Variants in CCNL2 observed in about 807,000 individuals in gnomAD.
CCNL2 encodes the protein cyclin-L2.
CCNL2 carries 28 observed loss-of-function variants against 59.1 expected under a neutral mutation model. The observed-to-expected ratio is 0.47, with a 90% CI of 0.35 to 0.65. The LOEUF (loss-of-function observed/expected upper bound fraction) is 0.65, where lower values mean the gene tolerates loss of function less well. Among genes scored for constraint, CCNL2 ranks in the 30% least tolerant of loss-of-function variants. The probability of loss-of-function intolerance (pLI) is 0.00; values close to 1 mark genes in which losing one functional copy is unlikely to be tolerated. For missense variants in CCNL2, 714 were observed against 717.4 expected, an observed-to-expected ratio of 1.00 and a Z score of 0.05; for synonymous variants, 342 against 288.6, an observed-to-expected ratio of 1.19 and a Z score of -1.88.
rs1645225213 is a variant in CCNL2, at chr1:1,399,098, T to C, written c.209A>G (p.Asp70Gly). 4 of 1,611,520 alleles carry C rather than the reference T, an allele frequency of 2.5e-6. No individual in the cohort carries two copies. Among genetic ancestry groups the C allele is most frequent in the Non-Finnish European group, 3.4e-6 (4 of 1,179,396 alleles). The part of the protein sequence containing the change: ...RFTPSMSSGL[D>G]TDTETDLRVV... ...GCGGAGGTCGGTCTCTGTGTCGGTG[T>C]CGAGGCCGCTCGACATGGACGGCGT... The change falls in exon 1 of 11, where the codon GAC becomes GGC. Residue 70 changes from aspartate to glycine, a missense_variant. Asp to Gly is a moderately conservative substitution (Grantham distance 94). Coordinates refer to ENST00000400809, the MANE Select transcript of CCNL2 (RefSeq NM_030937.6).
At position 1,389,144 on chromosome 1, in the gene CCNL2, G is replaced by A. The variant is rs560172675; in HGVS notation, c.1007-1079C>T. The A allele has an allele frequency of 2.4e-4, 38 of 155,912 alleles. No homozygotes were observed. The East Asian group carries it at 3.6e-3, about 15-fold the overall frequency. The allele number at this position is 155,912 out of a possible 1,614,324, so 9.7% of individuals were successfully genotyped here. On this transcript the variant is annotated intron_variant, in intron 8 of 10. Transcript: ENST00000400809. ...TCCCAGCACTTTGGGAGGCCGAGGC[G>A]GGTGGATCACGAAGCCAGATTGAGA... is the stretch of plus-strand genomic sequence containing the variant.
intron 5 of CCNL2, chr1:1,392,209 TA>T: frequency 1.8e-6 from 1 of 567,838 alleles, no homozygotes; most frequent in Non-Finnish European, 2.2e-6. Context: ...TTTCGGTGTC[TA>T]ATCAACAACT....
At chr1:1,393,623 G>C (rs1299280103) in intron 4 of CCNL2, among the ~76,000 whole-genome samples, 163 bp from the exon 5 acceptor site, 3 of 152,220 alleles carry the variant, frequency 2.0e-5, no homozygotes, top group African/African-American at 4.8e-5. Context: ...CTTTGCGATT[G>C]CACCTGCTGT....
rs995380028 is a variant in CCNL2, at chr1:1,389,674, G to A, written c.1006+556C>T. On this transcript the variant is annotated intron_variant, in intron 8 of 10. Coordinates refer to ENST00000400809, the MANE Select transcript of CCNL2 (RefSeq NM_030937.6). ...ACTAAAAAGATAAAGAATTAGCTAA[G>A]CACAGCTGGGCACGGTGGCTCACGC... 3.9e-5 allele frequency among the ~76,000 whole-genome samples: 6 copies of A among 152,102 alleles called. 1 individual carries two copies. Among genetic ancestry groups the A allele is most frequent in the East Asian group, 3.9e-4 (2 of 5,136 alleles).
In CCNL2 at chr1:1,393,502, G is replaced by A. The variant is rs368960945; in HGVS notation, c.595-42C>T. On this transcript the variant is annotated intron_variant, in intron 4 of 10. Transcript: ENST00000400809. ...AGGCAGTTATTACCAAGAACCTTAA[G>A]AGCCCAGAATTCAGATCTTGTGGGT... The A allele has an allele frequency of 2.6e-6, 4 of 1,562,828 alleles. No homozygotes were observed. In the Admixed American group the frequency reaches 5.0e-5, roughly 20 times the overall value.
chr1:1,388,787 A>G, intron 8 of CCNL2: 2 of 393,428 alleles, frequency 5.1e-6, no homozygotes, highest in Non-Finnish European at 9.6e-6. Flanking sequence ...AAAAAAAAAA[A>G]AAAAAAAGCT....
intron 8 of CCNL2, chr1:1,389,450 A>G (rs898929051): frequency 6.6e-6 from 1 of 152,254 alleles, no homozygotes; most frequent in Non-Finnish European, 1.5e-5. Flanking sequence ...GCCCCACACT[A>G]TAACACCTTC....
At position 1,390,868 on chromosome 1, in the gene CCNL2, G is replaced by C; in HGVS notation, c.660-3C>G. 2 of 1,613,426 alleles carry C rather than the reference G, an allele frequency of 1.2e-6. No homozygotes were observed. Among genetic ancestry groups the C allele is most frequent in the Non-Finnish European group, 1.7e-6 (2 of 1,179,450 alleles). ...GAAGGCTGTCGTTCATGTAATTCCT[G>C]GAAGCCAAACACAGGAAGAACTGCA... On this transcript the variant is annotated splice_region_variant and splice_polypyrimidine_tract_variant and intron_variant, in intron 5 of 10. Transcript: ENST00000400809.
intron 8 of CCNL2, chr1:1,388,522 AAAAC>A (rs1187351368): frequency 2.2e-6 from 1 of 452,074 alleles, no homozygotes; most frequent in Admixed American, 2.4e-5. Context: ...TGTCTCAAGA[AAAAC>A]AAAACAAAAC....
Position 1,390,213 on chromosome 1 carries a change from C to T in CCNL2, c.1006+17G>A, listed in dbSNP as rs752023243. The T allele has an allele frequency of 1.9e-6, 3 of 1,589,848 alleles. No homozygotes were observed. Among genetic ancestry groups the T allele is most frequent in the South Asian group, 1.1e-5 (1 of 89,678 alleles). Reference sequence around the variant, plus strand: ...TGCCTTTGTGGGGAGTGGATTCCTGCACTCTAACAGACTCACCCAGCTTGG... The same window carrying T: ...TGCCTTTGTGGGGAGTGGATTCCTGTACTCTAACAGACTCACCCAGCTTGG... On this transcript the variant is annotated intron_variant, in intron 8 of 10. Coordinates refer to ENST00000400809, the MANE Select transcript of CCNL2 (RefSeq NM_030937.6).
intron 3 of CCNL2, among the ~76,000 whole-genome samples, chr1:1,397,246 T>A (rs527300237): frequency 6.6e-6 from 1 of 152,342 alleles, no homozygotes; most frequent in Non-Finnish European, 1.5e-5. Flanking sequence ...AGGCAGCGGT[T>A]CTCTGCTGGA....
intron 9 of CCNL2, 35 bp from the exon 10 acceptor site, chr1:1,387,904 A>G (rs1644544275): frequency 6.2e-7 from 1 of 1,613,698 alleles, no homozygotes; most frequent in East Asian, 2.2e-5. Context: ...ACAAAGCAGA[A>G]GTCCCTCCAG....
rs900051961 is a variant in CCNL2 at position 1,387,732 on chromosome 1, C to T, written c.1211+45G>A. On this transcript the variant is annotated intron_variant, in intron 10 of 10. Transcript: ENST00000400809. ...TGAGAATGATTACCCCGAGGGACAG[C>T]CCCACCCCGGTATCGGCCTCCTGGG... 10 of 1,530,822 alleles carry T rather than the reference C, an allele frequency of 6.5e-6. No individual in the cohort carries two copies. In the Admixed American group the frequency reaches 1.1e-4, roughly 17 times the overall value. 94.8% of individuals were successfully genotyped at this position (1,530,822 alleles called of 1,614,324 possible).
chr1:1,393,955 A>C (rs1644878359), intron 4 of CCNL2, among the ~76,000 whole-genome samples: 1 of 152,010 alleles, frequency 6.6e-6, no homozygotes, highest in African/African-American at 2.4e-5. Context: ...GGAGAAACCC[A>C]GTCTCTACTA....
At chr1:1,395,084 A>T in intron 4 of CCNL2, 1 of 275,930 alleles carries the variant, frequency 3.6e-6, no homozygotes, top group South Asian at 1.0e-4. Flanking sequence ...AAACAAAAAA[A>T]AATTAACTGT....
At chr1:1,398,800 C>T (rs1454944521) in intron 1 of CCNL2, 129 bp from the exon 2 acceptor site, 4 of 1,234,786 alleles carry the variant, frequency 3.2e-6, no homozygotes, top group Non-Finnish European at 4.6e-6. Flanking sequence ...TCCACAAAGG[C>T]TCTTCGCGTC....
At chr1:1,389,100 C>G in intron 8 of CCNL2, 1 of 153,484 alleles carries the variant, frequency 6.5e-6, no homozygotes, top group South Asian at 1.4e-4. Context: ...AGGCCGGGTG[C>G]AGTGGCTCAT....
intron 6 of CCNL2, 67 bp downstream of exon 6, chr1:1,390,699 A>G (rs967796611): frequency 6.5e-7 from 1 of 1,527,752 alleles, no homozygotes; most frequent in Non-Finnish European, 9.1e-7. Context: ...ATAACACAGT[A>G]AAGTTTACTG....
chr1:1,389,679 G>A (rs1027780784), intron 8 of CCNL2, among the ~76,000 whole-genome samples: 2 of 152,142 alleles, frequency 1.3e-5, no homozygotes, highest in Admixed American at 6.6e-5. Flanking sequence ...GCTAAGCACA[G>A]CTGGGCACGG....
Sources: gnomAD v4.1 joint callset for allele counts (sites outside exome capture counted in the v4.1 genomes callset) on GRCh38, gnomAD v4.1.1 for gene constraint, MANE v1.5 for transcripts, NCBI Gene and HGNC (gene_info 2026-07-23, HGNC 2026-07-21) for gene names.